The following MYH4 variants were observed in gnomAD, a reference collection of about 807,000 sequenced individuals.
MYH4 encodes myosin heavy chain 4.
MYH4 carries 200 observed loss-of-function variants against 229.9 expected under a neutral mutation model. That is an observed-to-expected ratio of 0.87 (90% CI 0.78 to 0.98). The LOEUF is 0.98. MYH4 is among the 50% of genes least tolerant of loss of function. The pLI, the probability that MYH4 is intolerant of heterozygous loss-of-function variation, is 0.00. For missense variants in MYH4, 2,148 were observed against 2,332.6 expected (o/e 0.92, Z 1.63); for synonymous variants, 761 against 834.6 (o/e 0.91, Z 1.52).
At chr17:10,461,118 G>A (rs902326383) in intron 11 of MYH4, 64 bp from the exon 12 acceptor site, 4 of 1,577,878 alleles carry the variant, frequency 2.5e-6, no homozygotes, top group Non-Finnish European at 3.5e-6. Context: ...TCAGAACACC[G>A]GGGCTGTCTC....
At chr17:10,451,252 G>T in intron 28 of MYH4, 74 bp downstream of exon 28, 1 of 1,530,324 alleles carries the variant, frequency 6.5e-7, no homozygotes, top group Non-Finnish European at 8.9e-7. Context: ...GAAATTACTT[G>T]TATTTGATAG....
chr17:10,451,433 C>G lies in MYH4; in HGVS notation c.3758G>C (p.Cys1253Ser). The G allele has an allele frequency of 4.3e-6, 7 of 1,613,372 alleles. No homozygotes were observed. The highest frequency in any genetic ancestry group is 5.9e-6 in the Non-Finnish European group (7 of 1,179,822). The change falls in exon 28 of 40, where the codon TGC becomes TCC. Residue 1253 changes from cysteine to serine, a missense_variant. Physicochemically the swap from Cys to Ser is moderately radical, Grantham distance 112. Coordinates refer to ENST00000255381, the MANE Select transcript of MYH4 (RefSeq NM_017533.2). ...SKAKANFEKM[C>S]RTLEDQLSEI... ...ACTAAGCTGGTCCTCTAGGGTGCGG[C>G]ACATTTTCTCAAAGTTTGCCTGGGG...
intron 35 of MYH4, 135 bp from the exon 36 acceptor site, chr17:10,445,497 T>C (rs2072502427): frequency 8.2e-7 from 1 of 1,216,246 alleles, no homozygotes; most frequent in Admixed American, 2.3e-5. Flanking sequence ...TAGAAGATAA[T>C]TCTAAGTTTA....
chr17:10,466,826 G>T, intron 2 of MYH4, 42 bp from the exon 3 acceptor site: 1 of 1,537,480 alleles, frequency 6.5e-7, no homozygotes, highest in Non-Finnish European at 8.9e-7. Context: ...CAGGGTTGGG[G>T]TGGAGAATTG....
chr17:10,450,920 T>G (rs2072566133), intron 28 of MYH4, 25 bp from the exon 29 acceptor site: 2 of 1,525,150 alleles, frequency 1.3e-6, no homozygotes, highest in African/African-American at 2.7e-5. Flanking sequence ...ACATCAATGA[T>G]TTAGTTCTGT....
In MYH4 at chr17:10,466,343, A is replaced by T; in HGVS notation, c.278T>A (p.Met93Lys). Residue 93 changes from methionine (M) to lysine (K), a missense_variant, in exon 4 of 40, where the codon ATG becomes AAG. Transcript: ENST00000255381. Reference protein sequence around the residue: ...PKYDKIEDMAMMTHLHEPAVL... With the variant: ...PKYDKIEDMAKMTHLHEPAVL... ...AGCAGGCTCATGCAGGTGAGTCATC[A>T]TGGCCATGTCCTCGATCTTGTCATA... 1.2e-6 allele frequency: 2 copies of T among 1,614,164 alleles called. No individual in the cohort carries two copies. The highest frequency in any genetic ancestry group is 1.7e-6 in the Non-Finnish European group (2 of 1,180,006).
intron 2 of MYH4, among the ~76,000 whole-genome samples, chr17:10,467,585 A>G (rs1285825829): frequency 6.6e-6 from 1 of 152,188 alleles, no homozygotes; most frequent in Non-Finnish European, 1.5e-5. Flanking sequence ...TAGTGATTGT[A>G]TGTGTTGATC....
rs550660536 is a variant in MYH4, at chr17:10,463,343, TC to T, written c.799del (p.Glu267LysfsTer5). ...ACTAATATTTATTAACTTACATGTT[TC>T]AATATCTGCAGAAGCCAGTTTGCCT... ...ATGKLASADI[E>X]TYLLEKSRVT... is the part of the protein sequence containing the mutation. On this transcript the variant is annotated frameshift_variant, in exon 9 of 40. Transcript: ENST00000255381. LOFTEE classifies it high-confidence loss of function. The T allele has an allele frequency of 9.3e-5, 149 of 1,609,178 alleles. 1 individual carries two copies. In the African/African-American group the frequency reaches 1.8e-3, roughly 19 times the overall value.
In MYH4 at chr17:10,460,311, T is replaced by G. The variant is rs143027827; in HGVS notation, c.1158A>C (p.Lys386Asn). The change falls in exon 13 of 40, where the codon AAA becomes AAC. Residue 386 changes from lysine (K) to asparagine (N), a missense_variant. By Grantham distance (94) the Lys-to-Asn change is moderately conservative. Transcript: ENST00000255381. ...AGTTCAGACTTGTCAGATAAGCAGC[T>G]TTGTCAGCAACTGTGTGAACAAGGT... ...AEPDGTEVAD[K>N]AAYLTSLNSA... 1.2e-6 allele frequency: 2 copies of G among 1,604,632 alleles called. No individual in the cohort carries two copies. The highest frequency in any genetic ancestry group is 1.3e-5 in the African/African-American group (1 of 74,714).
chr17:10,452,711 G>T (rs2072591143), intron 25 of MYH4, 76 bp downstream of exon 25: 1 of 1,469,896 alleles, frequency 6.8e-7, no homozygotes. Context: ...GTAACATTTT[G>T]GAGATCTTTT....
intron 4 of MYH4, among the ~76,000 whole-genome samples, chr17:10,466,002 C>T (rs2072762001): frequency 6.6e-6 from 1 of 151,816 alleles, no homozygotes; most frequent in Non-Finnish European, 1.5e-5. Flanking sequence ...TCTCGATCTC[C>T]TGACCTCGTG....
At position 10,466,713 on chromosome 17, in the gene MYH4, C is replaced by T; in HGVS notation, c.33G>A (p.Gly11=). 1 of 1,614,162 alleles carries T rather than the reference C, an allele frequency of 6.2e-7. No individual in the cohort carries two copies. Reference sequence around the variant, plus strand: ...ACTTTCGGAGGAAAGGAGCAGCCTCCCCAAAAATGGCCATCTCAGAGTCAG... The same window carrying T: ...ACTTTCGGAGGAAAGGAGCAGCCTCTCCAAAAATGGCCATCTCAGAGTCAG... MSSDSEMAIF[G]EAAPFLRKSE... is the part of the protein sequence containing the mutation. Residue 11 remains glycine (G), a synonymous_variant, in exon 3 of 40, where the codon GGG becomes GGA. Transcript: ENST00000255381.
chr17:10,460,085 C>G lies in MYH4; in HGVS notation c.1283G>C (p.Gly428Ala). The change falls in exon 14 of 40, where the codon GGT becomes GCT. Residue 428 changes from glycine (G) to alanine (A), a missense_variant. Gly to Ala is a moderately conservative substitution (Grantham distance 60, BLOSUM62 0). Transcript: ENST00000255381. ...QTVQQVYNAV[G>A]ALAKAIYEKM... is the part of the protein sequence containing the mutation. The stretch of plus-strand genomic sequence containing the variant: ...CTCGTAGATGGCTTTGGCCAGAGCA[C>G]CCACTGCATTGTACACCTTCAACAG... 1.2e-6 allele frequency: 2 copies of G among 1,614,168 alleles called. No homozygotes were observed. Among genetic ancestry groups the G allele is most frequent in the Non-Finnish European group, 1.7e-6 (2 of 1,180,034 alleles).
Position 10,453,288 on chromosome 17 carries a change from G to C in MYH4, c.2975C>G (p.Thr992Ser). 6.2e-7 allele frequency: 1 copy of C among 1,613,958 alleles called. No individual in the cohort carries two copies. Among genetic ancestry groups the C allele is most frequent in the Non-Finnish European group, 8.5e-7 (1 of 1,180,002 alleles). The change falls in exon 24 of 40, where the codon ACC becomes AGC. Residue 992 changes from threonine to serine, a missense_variant. Coordinates refer to ENST00000255381, the MANE Select transcript of MYH4 (RefSeq NM_017533.2). ...LTEEMAGLDETIAKLTKEKKA... is the reference protein window; with the variant it reads ...LTEEMAGLDESIAKLTKEKKA... ...CTTCTCCTTGGTCAGCTTAGCAATG[G>C]TTTCATCCAGACCTGCCATCTCTTC...
In MYH4 at chr17:10,454,681, G is replaced by A. The variant is rs1597419047; in HGVS notation, c.2565C>T (p.Asn855=). The A allele has an allele frequency of 2.5e-5, 41 of 1,613,906 alleles. No individual in the cohort carries two copies. The East Asian group carries it at 8.9e-4, about 35-fold the overall frequency. The change falls in exon 22 of 40, where the codon AAC becomes AAT. Residue 855 remains asparagine, a synonymous_variant. Coordinates refer to ENST00000255381, the MANE Select transcript of MYH4 (RefSeq NM_017533.2). ...TGGTTTTCTCAAATTCTTCCTTCAT[G>A]TTGGCCATCTCCTTCTCTGTCTCTG... is the stretch of plus-strand genomic sequence containing the variant. The part of the protein sequence containing the change: ...KSAETEKEMA[N]MKEEFEKTKE...
intron 19 of MYH4, 139 bp from the exon 20 acceptor site, chr17:10,455,434 T>A: frequency 7.7e-7 from 1 of 1,301,112 alleles, no homozygotes; most frequent in Non-Finnish European, 1.0e-6. Context: ...GTGCTTTATT[T>A]AAAACTTCGG....
chr17:10,443,694 G>A lies in MYH4; in HGVS notation c.5668-167C>T, dbSNP rs970880505. 7.9e-5 allele frequency among the ~76,000 whole-genome samples: 12 copies of A among 152,206 alleles called. No homozygotes were observed. Among genetic ancestry groups the A allele is most frequent in the African/African-American group, 2.7e-4 (11 of 41,460 alleles). ...CCAGCACTCTGGGAGACTGAGGCGG[G>A]TGGATCACCTGAGGTCAGGAATTCG... On this transcript the variant is annotated intron_variant, in intron 39 of 39. Transcript: ENST00000255381. The surrounding 1 kb of genome is among the most constrained non-coding windows in gnomAD (Gnocchi z 4.6).
intron 28 of MYH4, 105 bp from the exon 29 acceptor site, chr17:10,451,000 C>A (rs369720926): frequency 8.5e-5 from 86 of 1,009,780 alleles, no homozygotes; most frequent in East Asian, 5.1e-4. Flanking sequence ...GATGAAAAAA[C>A]CCCTCAAGAT....
In MYH4 at chr17:10,452,079, G is replaced by T. The variant is rs1366797907; in HGVS notation, c.3600C>A (p.His1200Gln). 1 of 1,613,912 alleles carries T rather than the reference G, an allele frequency of 6.2e-7. No individual in the cohort carries two copies. Among genetic ancestry groups the T allele is most frequent in the South Asian group, 1.1e-5 (1 of 91,070 alleles). Reference sequence around the variant, plus strand: ...CCCCAAGCTCAGCCACACTATCTGCGTGCTTCTTCCGAAGAGCAGCTGCCG... The same window carrying T: ...CCCCAAGCTCAGCCACACTATCTGCTTGCTTCTTCCGAAGAGCAGCTGCCG... The part of the protein sequence containing the change: ...EATAAALRKK[H>Q]ADSVAELGEQ... Residue 1200 changes from histidine (H) to glutamine (Q), a missense_variant, in exon 27 of 40, where the codon CAC becomes CAA. Physicochemically the swap from His to Gln is conservative, Grantham distance 24 (BLOSUM62 0). Transcript: ENST00000255381.
Sources: allele counts gnomAD v4.1 joint callset (sites outside exome capture counted in the v4.1 genomes callset), GRCh38; gene constraint gnomAD v4.1.1; non-coding constraint Gnocchi (gnomAD v3.1); transcripts MANE v1.5; gene names NCBI Gene and HGNC (gene_info 2026-07-23, HGNC 2026-07-21).